PTPRG: variants seen among roughly 807,000 people sequenced by gnomAD.
The protein encoded by PTPRG is receptor-type tyrosine-protein phosphatase gamma.
Under a neutral mutation model 165.3 loss-of-function variants are expected in PTPRG, and 102 were observed. The ratio of observed to expected loss-of-function variants is 0.62; its 90% CI spans 0.53 to 0.73. PTPRG has a LOEUF of 0.73. Among genes scored for constraint, PTPRG ranks in the 30% least tolerant of loss-of-function variants. The pLI, the probability that PTPRG is intolerant of heterozygous loss-of-function variation, is 0.00. For synonymous variants in PTPRG, 675 were observed against 669.5 expected, an observed-to-expected ratio of 1.01 and a Z score of -0.13; for missense variants, 1,866 against 1,861.4, an observed-to-expected ratio of 1.00 and a Z score of -0.05.
chr3:61,876,092 A>G (rs2037732046), intron 2 of PTPRG, among the ~76,000 whole-genome samples: 1 of 152,258 alleles, frequency 6.6e-6, no homozygotes, highest in Non-Finnish European at 1.5e-5. Context: ...AAGTGTTTAC[A>G]ATTAAAAGTA....
chr3:61,866,427 G>A (rs1289281158), intron 2 of PTPRG, among the ~76,000 whole-genome samples: 6 of 151,950 alleles, frequency 3.9e-5, no homozygotes, highest in Non-Finnish European at 7.4e-5. Flanking sequence ...GGCTGGAGTA[G>A]GGTTGAGGCT....
chr3:61,961,854 T>C (rs1403391691), intron 2 of PTPRG, among the ~76,000 whole-genome samples: 6 of 152,186 alleles, frequency 3.9e-5, no homozygotes, highest in Non-Finnish European at 7.3e-5. Flanking sequence ...CTGGGGTGTG[T>C]GCCACTGTCT....
chr3:62,163,269 C>G (rs1368519693), intron 7 of PTPRG, among the ~76,000 whole-genome samples: 2 of 151,834 alleles, frequency 1.3e-5, no homozygotes, highest in Non-Finnish European at 2.9e-5. Flanking sequence ...TTACTCAATG[C>G]CTCTAAGCCC....
intron 2 of PTPRG, among the ~76,000 whole-genome samples, chr3:61,762,254 A>G (rs902896642): frequency 1.3e-5 from 2 of 152,092 alleles, no homozygotes; most frequent in Admixed American, 1.3e-4. Flanking sequence ...CTCACCATCT[A>G]CTAGGGTGTG....
chr3:61,903,489 T>G (rs62243230), intron 2 of PTPRG, among the ~76,000 whole-genome samples: 7,542 of 152,278 alleles, frequency 0.05, 410 homozygotes, highest in East Asian at 0.25. Context: ...TTCTCGTGTC[T>G]CAGCCTCCCA....
intron 1 of PTPRG, among the ~76,000 whole-genome samples, chr3:61,724,217 C>CAAAAAAAAAAA (rs1260061643): frequency 5.3e-4 from 68 of 128,642 alleles, no homozygotes; most frequent in South Asian, 1.0e-3. Flanking sequence ...CTCCCATCTC[C>CAAAAAAAAAAA]AAAAAAAAAA....
At chr3:62,292,650 GC>G in intron 29 of PTPRG, 94 bp downstream of exon 29, 5 of 1,431,116 alleles carry the variant, frequency 3.5e-6, no homozygotes, top group Non-Finnish European at 4.8e-6. Flanking sequence ...GGGTGATTTT[GC>G]CCCCCAGGGG....
intron 2 of PTPRG, among the ~76,000 whole-genome samples, chr3:61,761,500 C>A (rs2033832679): frequency 6.6e-6 from 1 of 152,170 alleles, no homozygotes; most frequent in African/African-American, 2.4e-5. Context: ...ATCGCTTGAA[C>A]CCTGGAGGTG....
At chr3:62,277,162 T>C in intron 25 of PTPRG, 114 bp downstream of exon 25, 1 of 817,568 alleles carries the variant, frequency 1.2e-6, no homozygotes, top group Non-Finnish European at 2.0e-6. Context: ...ATGTGTAATA[T>C]GAAAAGTATA....
At chr3:62,204,098 G>T in intron 12 of PTPRG, 148 bp downstream of exon 12, 2 of 1,324,852 alleles carry the variant, frequency 1.5e-6, no homozygotes, top group Non-Finnish European at 2.0e-6. Context: ...GTGCACACAT[G>T]TGAAATGTGT....
At chr3:62,041,200 A>G (rs1288520288) in intron 4 of PTPRG, among the ~76,000 whole-genome samples, 2 of 152,154 alleles carry the variant, frequency 1.3e-5, no homozygotes, top group Admixed American at 1.3e-4. Flanking sequence ...CATTTACTCT[A>G]TTTTGTGTGT....
intron 2 of PTPRG, among the ~76,000 whole-genome samples, chr3:61,768,468 T>C (rs1045674706): frequency 2.6e-5 from 4 of 152,156 alleles, no homozygotes; most frequent in African/African-American, 9.7e-5. Context: ...CAGTACTGAG[T>C]CTGTGTAGGA....
chr3:62,094,826 T>C (rs1240399066), intron 5 of PTPRG, among the ~76,000 whole-genome samples: 1 of 152,196 alleles, frequency 6.6e-6, no homozygotes, highest in Admixed American at 6.5e-5. Flanking sequence ...GCTGAAACTT[T>C]TTAGAAGCCC....
chr3:62,084,906 G>A (rs901367356), intron 5 of PTPRG, among the ~76,000 whole-genome samples: 1 of 152,168 alleles, frequency 6.6e-6, no homozygotes, highest in South Asian at 2.1e-4. Context: ...TGGCTTGATT[G>A]TGTAAATACT....
chr3:62,034,476 T>A (rs1699878728), intron 4 of PTPRG, among the ~76,000 whole-genome samples: 1 of 152,214 alleles, frequency 6.6e-6, no homozygotes, highest in South Asian at 2.1e-4. Flanking sequence ...GAGGTCTGAT[T>A]GTGCGGTCTC....
chr3:61,621,283 C>A (rs1461228425), intron 1 of PTPRG, among the ~76,000 whole-genome samples: 1 of 152,052 alleles, frequency 6.6e-6, no homozygotes, highest in Admixed American at 6.6e-5. Context: ...ACGAGGCTGG[C>A]ACTGGAGAAT....
intron 3 of PTPRG, among the ~76,000 whole-genome samples, chr3:61,996,819 C>G (rs1049133116): frequency 5.3e-5 from 8 of 152,280 alleles, no homozygotes; most frequent in South Asian, 2.1e-4. Context: ...AGCTATTTCA[C>G]TGGGTCACTC....
chr3:61,649,648 G>A (rs1702295433), intron 1 of PTPRG, among the ~76,000 whole-genome samples: 1 of 152,182 alleles, frequency 6.6e-6, no homozygotes, highest in Admixed American at 6.5e-5. Flanking sequence ...GAGGAGACAT[G>A]CAGGCTTCAA....
intron 2 of PTPRG, among the ~76,000 whole-genome samples, chr3:61,922,736 G>C (rs975324257): frequency 1.3e-5 from 2 of 152,204 alleles, no homozygotes; most frequent in Non-Finnish European, 1.5e-5. Context: ...GGCTTCCTGG[G>C]CTCAGGTGAT....
Sources: gnomAD v4.1 joint callset for allele counts (sites outside exome capture counted in the v4.1 genomes callset) on GRCh38, gnomAD v4.1.1 for gene constraint, MANE v1.5 for transcripts, NCBI Gene and HGNC (gene_info 2026-07-23, HGNC 2026-07-21) for gene names.